GPR173: variants seen among roughly 807,000 people sequenced by gnomAD.
GPR173 encodes probable G protein-coupled receptor 173.
A neutral mutation model predicts 13.9 loss-of-function variants in GPR173; 2 were observed. The ratio of observed to expected loss-of-function variants is 0.14; its 90% confidence interval spans 0.06 to 0.45. The LOEUF (loss-of-function observed/expected upper bound fraction) is 0.45. Among genes scored for constraint, GPR173 ranks in the 20% least tolerant of loss-of-function variants. The pLI is 0.98. For synonymous variants in GPR173, 131 were observed against 141.0 expected (o/e 0.93, Z 0.50); for missense variants, 202 against 340.5 (o/e 0.59, Z 3.20).
chrX:53,073,945 TTATG>T (rs1191111215), intron 1 of GPR173, among the ~76,000 whole-genome samples: 1 of 1,959 alleles, frequency 5.1e-4, no homozygotes, highest in Non-Finnish European at 7.2e-4. Flanking sequence ...AAATATATAT[TTATG>T]TATATTTATA....
intron 1 of GPR173, among the ~76,000 whole-genome samples, chrX:53,061,278 G>A (rs1461600051): frequency 2.7e-5 from 3 of 110,967 alleles, no homozygotes; most frequent in Admixed American, 9.7e-5. Context: ...TATTGTATGC[G>A]TGTGTATCTT....
intron 1 of GPR173, among the ~76,000 whole-genome samples, chrX:53,074,727 G>A (rs782046857): frequency 2.4e-5 from 2 of 82,939 alleles, no homozygotes; most frequent in African/African-American, 4.7e-5. Flanking sequence ...TTATTTATTT[G>A]TATTTATATA....
intron 1 of GPR173, among the ~76,000 whole-genome samples, chrX:53,072,625 T>TTC (rs1556804901): frequency 9.0e-6 from 1 of 110,517 alleles, no homozygotes; most frequent in Non-Finnish European, 1.9e-5. Flanking sequence ...CTCTCTCTCC[T>TTC]TCTCTCTCTC....
intron 1 of GPR173, among the ~76,000 whole-genome samples, chrX:53,056,910 G>A (rs1045464227): frequency 1.8e-5 from 2 of 111,527 alleles, no homozygotes; most frequent in Non-Finnish European, 3.8e-5. Context: ...GTATGTATCT[G>A]TACTTGTGCA....
intron 1 of GPR173, among the ~76,000 whole-genome samples, chrX:53,073,859 T>C (rs1178201197): frequency 2.0e-5 from 1 of 49,226 alleles, no homozygotes; most frequent in Non-Finnish European, 3.6e-5. Context: ...TATATAAATT[T>C]ATATATTTTA....
chrX:53,074,729 A>T (rs1932397903), intron 1 of GPR173, among the ~76,000 whole-genome samples: 1 of 93,013 alleles, frequency 1.1e-5, no homozygotes, highest in African/African-American at 4.0e-5. Context: ...ATTTATTTGT[A>T]TTTATATATA....
At chrX:53,071,620 C>A (rs1556804780) in intron 1 of GPR173, among the ~76,000 whole-genome samples, 1 of 112,052 alleles carries the variant, frequency 8.9e-6, no homozygotes, top group Non-Finnish European at 1.9e-5. Context: ...CAACATCCTC[C>A]CCGACTCCTA....
intron 1 of GPR173, among the ~76,000 whole-genome samples, chrX:53,072,396 C>G (rs782271207): frequency 2.0e-5 from 2 of 101,952 alleles, no homozygotes; most frequent in Admixed American, 2.2e-4. Context: ...CTCTCTTGCT[C>G]TCTCTCTCTC....
chrX:53,052,244 G>A, intron 1 of GPR173, among the ~76,000 whole-genome samples: 1 of 111,092 alleles, frequency 9.0e-6, no homozygotes. Context: ...CTGTGTGTGG[G>A]GGTGTATGCC....
intron 1 of GPR173, among the ~76,000 whole-genome samples, chrX:53,056,369 G>A (rs782072185): frequency 1.8e-5 from 2 of 110,353 alleles, no homozygotes; most frequent in African/African-American, 6.6e-5. Context: ...GAGAGCGTGG[G>A]GTATATCTAA....
At chrX:53,074,118 AT>A in intron 1 of GPR173, among the ~76,000 whole-genome samples, 1 of 89,500 alleles carries the variant, frequency 1.1e-5, no homozygotes, top group Non-Finnish European at 2.0e-5. Context: ...ATACATTTAT[AT>A]AAATATATAT....
Position 53,076,593 on chromosome X carries a change from A to G in GPR173, c.-29A>G, listed in dbSNP as rs1556805836. On this transcript the variant is annotated 5_prime_UTR_variant, in exon 2 of 2. It removes the in-frame stop codon of an upstream open reading frame in the 5' UTR. Transcript: ENST00000332582. ...CGAGTACCGGACTGGCTGACCCCCT[A>G]GGGTTGGCAGTAGCCCCTGACCCTC... 6.1e-6 allele frequency: 7 copies of G among 1,153,451 alleles called. No homozygotes were observed. Among genetic ancestry groups the G allele is most frequent in the Non-Finnish European group, 8.1e-6 (7 of 861,097 alleles).
At chrX:53,065,045 T>C (rs1455563096) in intron 1 of GPR173, 1 of 112,282 alleles carries the variant, frequency 8.9e-6, no homozygotes, top group African/African-American at 3.2e-5. Flanking sequence ...TTGATTCATT[T>C]ATGGTCATTT....
intron 1 of GPR173, among the ~76,000 whole-genome samples, chrX:53,060,018 A>G (rs1448441333): frequency 9.9e-6 from 1 of 101,173 alleles, no homozygotes; most frequent in Non-Finnish European, 2.0e-5. Flanking sequence ...TGTATATTAT[A>G]TATATATATA....
At chrX:53,075,239 A>ATCC (rs1338103840) in intron 1 of GPR173, among the ~76,000 whole-genome samples, 1 of 106,623 alleles carries the variant, frequency 9.4e-6, no homozygotes, top group Admixed American at 1.1e-4. Flanking sequence ...TCCCCGAGAT[A>ATCC]TCCGCATGAC....
At chrX:53,052,269 AACAC>A (rs202152352) in intron 1 of GPR173, among the ~76,000 whole-genome samples, 3 of 110,900 alleles carry the variant, frequency 2.7e-5, no homozygotes, top group African/African-American at 9.9e-5. Flanking sequence ...TGCACACAAA[AACAC>A]ACACACACGC....
chrX:53,074,307 CATTCATATATATTTATATATAAATGTAT>C lies in GPR173; in HGVS notation c.-97-2214_-97-2187del, dbSNP rs2146684338. ...TTACATATAAATATATATAAATATA[CATTCATATATATTTATATATAAATGTAT>C]ATTTATATATATTTATATATATTTA... On this transcript the variant is annotated intron_variant, in intron 1 of 1. Transcript: ENST00000332582. 9.6e-5 allele frequency among the ~76,000 whole-genome samples: 2 copies of C among 20,889 alleles called. 1 individual carries two copies. The highest frequency in any genetic ancestry group is 2.4e-3 in the East Asian group (2 of 849). The allele number at this position is 20,889 out of a possible 115,157, so 18.1% of individuals were successfully genotyped here. A position where few individuals can be genotyped will look rare whatever the true frequency, so the allele number is the denominator to read the frequency against.
Position 53,080,322 on chromosome X carries a change from G to A in GPR173, c.*2579G>A, listed in dbSNP as rs895010557. 2.5e-5 allele frequency: 3 copies of A among 122,011 alleles called. No individual in the cohort carries two copies. Among genetic ancestry groups the A allele is most frequent in the African/African-American group, 9.9e-5 (3 of 30,413 alleles). The allele number at this position is 122,011 out of a possible 1,213,427, so 10.1% of individuals were successfully genotyped here. On this transcript the variant is annotated 3_prime_UTR_variant, in exon 2 of 2. Coordinates refer to ENST00000332582, the MANE Select transcript of GPR173 (RefSeq NM_018969.6). ...CCCTAGACAGTTAATTTACTATCTG[G>A]TTATTCTCTCAGGTGCACAGAATTG...
At chrX:53,070,885 A>G (rs1056014697) in intron 1 of GPR173, 1 of 112,477 alleles carries the variant, frequency 8.9e-6, no homozygotes, top group Non-Finnish European at 1.9e-5. Context: ...GATTTATAAG[A>G]AAACGATTTG....
Sources: gnomAD v4.1 joint callset for allele counts (sites outside exome capture counted in the v4.1 genomes callset) on GRCh38, gnomAD v4.1.1 for gene constraint, MANE v1.5 for transcripts, NCBI Gene and HGNC (gene_info 2026-07-23, HGNC 2026-07-21) for gene names.